SMAP2: variants seen among roughly 807,000 people sequenced by gnomAD.
SMAP2 encodes stromal membrane-associated protein 2.
Under a neutral mutation model 56.4 loss-of-function variants are expected in SMAP2, and 25 were observed. The ratio of observed to expected loss-of-function variants is 0.44; its 90% CI spans 0.32 to 0.62. The LOEUF (loss-of-function observed/expected upper bound fraction) is 0.62, where lower values mean the gene tolerates loss of function less well. SMAP2 is among the 20% of genes least tolerant of loss of function. SMAP2 has a pLI of 0.04. For synonymous variants in SMAP2, 157 were observed against 181.7 expected (o/e 0.86, Z 1.09); for missense variants, 388 against 545.6 (o/e 0.71, Z 2.88).
chr1:40,401,551 A>T (rs776069295), intron 1 of SMAP2, among the ~76,000 whole-genome samples: 18 of 152,142 alleles, frequency 1.2e-4, no homozygotes, highest in Non-Finnish European at 2.2e-4. Context: ...TAATTATTAT[A>T]ATATTAGTAG....
At chr1:40,356,327 T>C (rs1286545931) in intron 1 of SMAP2, among the ~76,000 whole-genome samples, 1 of 152,220 alleles carries the variant, frequency 6.6e-6, no homozygotes, top group Non-Finnish European at 1.5e-5. Context: ...ACTGATTTCC[T>C]TTCTTTTGGA....
intron 2 of SMAP2, among the ~76,000 whole-genome samples, chr1:40,363,414 G>A (rs1332045392): frequency 6.6e-6 from 1 of 152,054 alleles, no homozygotes; most frequent in African/African-American, 2.4e-5. Flanking sequence ...GGCAGAGATG[G>A]GGCAGAGGAT....
intron 1 of SMAP2, among the ~76,000 whole-genome samples, chr1:40,358,434 C>T (rs1644446185): frequency 6.6e-6 from 1 of 152,122 alleles, no homozygotes; most frequent in African/African-American, 2.4e-5. Context: ...ATCCCAGCTA[C>T]TTGGGAGGCT....
At chr1:40,413,238 A>T (rs1644954752) in intron 5 of SMAP2, 136 bp downstream of exon 5, 1 of 695,066 alleles carries the variant, frequency 1.4e-6, no homozygotes, top group African/African-American at 1.8e-5. Context: ...TCTGGATTGG[A>T]CTGCCTGCTA....
At chr1:40,414,009 C>G (rs1043050527) in intron 5 of SMAP2, 150 bp from the exon 6 acceptor site, 1 of 655,176 alleles carries the variant, frequency 1.5e-6, no homozygotes, top group East Asian at 2.8e-5. Flanking sequence ...TTGATTCTTT[C>G]ACCTAATACT....
chr1:40,416,203 A>G lies in SMAP2; in HGVS notation c.709A>G (p.Ser237Gly). ...TGTAGGTTCCATGCCAACTGCAGGGAGTGCCGGCTCTGTTCCTGAAAATCT... is the reference window on the plus strand; with the variant it reads ...TGTAGGTTCCATGCCAACTGCAGGGGGTGCCGGCTCTGTTCCTGAAAATCT... ...KVVGSMPTAG[S>G]AGSVPENLNL... Residue 237 changes from serine to glycine, a missense_variant, in exon 8 of 10, where the codon AGT becomes GGT. Coordinates refer to ENST00000372718, the MANE Select transcript of SMAP2 (RefSeq NM_022733.3). The G allele has an allele frequency of 1.2e-6, 2 of 1,613,922 alleles. No homozygotes were observed. The highest frequency in any genetic ancestry group is 1.7e-6 in the Non-Finnish European group (2 of 1,179,946).
chr1:40,379,638 C>G lies in SMAP2; in HGVS notation c.103+5415C>G, dbSNP rs553297358. Among the ~76,000 whole-genome samples the G allele has an allele frequency of 2.0e-5, 3 of 150,794 alleles. No individual in the cohort carries two copies. In the East Asian group the frequency reaches 5.9e-4, roughly 29 times the overall value. On this transcript the variant is annotated intron_variant, in intron 1 of 9. Transcript: ENST00000372718. ...CTTGGCTCACTGCAAACTCCCCCTC[C>G]CGGGTTCAAGTTCTCCTGCCTCAGC... is the stretch of plus-strand genomic sequence containing the variant.
At chr1:40,367,565 A>G (rs1644483143) in intron 2 of SMAP2, among the ~76,000 whole-genome samples, 1 of 18,250 alleles carries the variant, frequency 5.5e-5, no homozygotes, top group African/African-American at 3.0e-4. Context: ...AAAGCCGCTC[A>G]ACTACATGGA....
Position 40,374,091 on chromosome 1 carries a change from T to G in SMAP2, c.-30T>G. The G allele has an allele frequency of 6.4e-7, 1 of 1,552,264 alleles. No homozygotes were observed. The highest frequency in any genetic ancestry group is 8.8e-7 in the Non-Finnish European group (1 of 1,131,792). ...GGTCTCTGGGGGCGAGGAGGGCGCGTCGCCCTCTGCCCCCGCCGGCACCCT... is the reference window on the plus strand; with the variant it reads ...GGTCTCTGGGGGCGAGGAGGGCGCGGCGCCCTCTGCCCCCGCCGGCACCCT... On this transcript the variant is annotated 5_prime_UTR_variant, in exon 1 of 10. Coordinates refer to ENST00000372718, the MANE Select transcript of SMAP2 (RefSeq NM_022733.3). The surrounding 1 kb of genome is among the most constrained non-coding windows in gnomAD (Gnocchi z 5.9).
upstream of SMAP2, among the ~76,000 whole-genome samples, chr1:40,373,107 T>C (rs1366802331): frequency 1.3e-5 from 2 of 152,268 alleles, no homozygotes; most frequent in African/African-American, 2.4e-5. Context: ...CGCTGTTTTG[T>C]GAGAATTTAA....
At chr1:40,345,903 A>G (rs1170039073) in intron 1 of SMAP2, among the ~76,000 whole-genome samples, 3 of 134,762 alleles carry the variant, frequency 2.2e-5, no homozygotes, top group African/African-American at 8.1e-5. Context: ...ATATTATATT[A>G]TATTATATTA....
chr1:40,392,391 G>A (rs773257239), intron 1 of SMAP2, among the ~76,000 whole-genome samples: 12 of 152,114 alleles, frequency 7.9e-5, no homozygotes, highest in East Asian at 1.9e-4. Context: ...GGCAGGCTCC[G>A]TGTTCCATTC....
At chr1:40,381,486 C>A (rs1338063461) in intron 1 of SMAP2, among the ~76,000 whole-genome samples, 3 of 152,078 alleles carry the variant, frequency 2.0e-5, no homozygotes, top group African/African-American at 7.2e-5. Context: ...ATTTAGGGAA[C>A]TTTGTATTCT....
At chr1:40,416,543 C>T (rs990090252) in intron 8 of SMAP2, among the ~76,000 whole-genome samples, 3 of 152,114 alleles carry the variant, frequency 2.0e-5, no homozygotes, top group Admixed American at 6.5e-5. Context: ...GGTCACAATT[C>T]GGTGAAGTCT....
At chr1:40,411,376 A>G (rs1227727642) in intron 4 of SMAP2, among the ~76,000 whole-genome samples, 2 of 152,216 alleles carry the variant, frequency 1.3e-5, no homozygotes, top group African/African-American at 4.8e-5. Context: ...GCCTAAAGAT[A>G]TGAACTCAGA....
intron 1 of SMAP2, among the ~76,000 whole-genome samples, chr1:40,346,720 GAA>G (rs56073588): frequency 3.3e-5 from 5 of 150,012 alleles, no homozygotes; most frequent in African/African-American, 7.3e-5. Flanking sequence ...GTGTTTCTCA[GAA>G]AAAAAAAAAC....
At chr1:40,387,088 C>T (rs892875129) in intron 1 of SMAP2, among the ~76,000 whole-genome samples, 5 of 152,126 alleles carry the variant, frequency 3.3e-5, no homozygotes, top group South Asian at 2.1e-4. Context: ...CCTGAGCTCA[C>T]ATCATCTGCC....
At chr1:40,362,861 G>C (rs1186842592) in intron 2 of SMAP2, among the ~76,000 whole-genome samples, 1 of 152,190 alleles carries the variant, frequency 6.6e-6, no homozygotes. Context: ...ATTCCAGGGT[G>C]ATGATTACAT....
intron 1 of SMAP2, among the ~76,000 whole-genome samples, chr1:40,375,175 CT>C (rs1355899373): frequency 6.6e-6 from 1 of 152,092 alleles, no homozygotes; most frequent in Non-Finnish European, 1.5e-5. Context: ...TTCTATGAAT[CT>C]TTTTTTCCTG....
Sources: allele counts gnomAD v4.1 joint callset (sites outside exome capture counted in the v4.1 genomes callset), GRCh38; gene constraint gnomAD v4.1.1; non-coding constraint Gnocchi (gnomAD v3.1); transcripts MANE v1.5; gene names NCBI Gene and HGNC (gene_info 2026-07-23, HGNC 2026-07-21).